The following QSOX1 variants were observed in gnomAD, a reference collection of about 807,000 sequenced individuals.
QSOX1 encodes the protein quiescin sulfhydryl oxidase 1.
A neutral mutation model predicts 76.1 loss-of-function variants in QSOX1; 40 were observed. The ratio of observed to expected loss-of-function variants is 0.53; its 90% CI spans 0.41 to 0.68. The LOEUF is 0.68. Among genes scored for constraint, QSOX1 ranks in the 30% least tolerant of loss-of-function variants. The pLI is 0.00. For synonymous variants in QSOX1, 392 were observed against 413.1 expected (o/e 0.95, Z 0.62); for missense variants, 931 against 974.3 (o/e 0.96, Z 0.59).
Position 180,198,187 on chromosome 1 carries a change from C to T in QSOX1, c.*1150C>T, listed in dbSNP as rs539670458. ...CAGACTGCCCATAGAACTGTCTGCA[C>T]CCAAACCCCATGGCCTTTTCATGCA... On this transcript the variant is annotated 3_prime_UTR_variant, in exon 12 of 12. Coordinates refer to ENST00000367602, the MANE Select transcript of QSOX1 (RefSeq NM_002826.5). 1.2e-4 allele frequency: 54 copies of T among 456,712 alleles called. No homozygotes were observed. Among genetic ancestry groups the T allele is most frequent in the South Asian group, 8.4e-4 (54 of 64,568 alleles). The allele number at this position is 456,712 out of a possible 1,614,324, so 28.3% of individuals were successfully genotyped here. A position where few individuals can be genotyped will look rare whatever the true frequency, so the allele number is the denominator to read the frequency against.
chr1:180,184,207 T>C (rs1663111721), intron 7 of QSOX1, among the ~76,000 whole-genome samples, 157 bp downstream of exon 7: 1 of 152,220 alleles, frequency 6.6e-6, no homozygotes, highest in African/African-American at 2.4e-5. Flanking sequence ...GGTCTGGCCA[T>C]GCTCAGGGAC....
rs759196856 is a variant in QSOX1, at chr1:180,190,550, C to T, written c.1258C>T (p.Arg420Trp). 2.5e-5 allele frequency: 41 copies of T among 1,614,114 alleles called. No homozygotes were observed. The highest frequency in any genetic ancestry group is 5.0e-5 in the Admixed American group (3 of 60,028). ...LFHFLTVQAARQNVDHSQEAA... is the reference protein window; with the variant it reads ...LFHFLTVQAAWQNVDHSQEAA... ...CCACTTCTTGACTGTGCAGGCAGCT[C>T]GGCAAAATGTAGACCACTCACAGGA... The change falls in exon 10 of 12, where the codon CGG becomes TGG. Residue 420 changes from arginine to tryptophan, a missense_variant. Physicochemically the swap from Arg to Trp is moderately radical, Grantham distance 101 (BLOSUM62 -3). Transcript: ENST00000367602.
intron 4 of QSOX1, among the ~76,000 whole-genome samples, chr1:180,177,250 CTTTT>C (rs34390948): frequency 2.7e-5 from 3 of 112,884 alleles, no homozygotes; most frequent in Non-Finnish European, 1.9e-5. Context: ...CAAAGTGATC[CTTTT>C]TTTTTTTTTT....
At chr1:180,158,772 C>G (rs1324647476) in intron 1 of QSOX1, among the ~76,000 whole-genome samples, 1 of 152,126 alleles carries the variant, frequency 6.6e-6, no homozygotes, top group African/African-American at 2.4e-5. Context: ...AAATCTGTGC[C>G]TCTGTCTTCA....
intron 9 of QSOX1, 72 bp from the exon 10 acceptor site, chr1:180,190,361 A>C: frequency 4.7e-6 from 7 of 1,497,120 alleles, no homozygotes; most frequent in Non-Finnish European, 6.5e-6. Context: ...GCTGTCTCCT[A>C]GAAGCTTCTG....
rs1663560459 is a variant in QSOX1 at position 180,198,436 on chromosome 1, G to A, written c.*1399G>A. 1 of 455,246 alleles carries A rather than the reference G, an allele frequency of 2.2e-6. No individual in the cohort carries two copies. The highest frequency in any genetic ancestry group is 2.4e-5 in the Admixed American group (1 of 42,538). 28.2% of individuals were successfully genotyped at this position (455,246 alleles called of 1,614,324 possible). A position where few individuals can be genotyped will look rare whatever the true frequency, so the allele number is the denominator to read the frequency against. ...GAGCCTGCCCCTAATCCGGCCTGCT[G>A]GGTTTTACAAGGATCAGAGCTGCTG... On this transcript the variant is annotated 3_prime_UTR_variant, in exon 12 of 12. Coordinates refer to ENST00000367602, the MANE Select transcript of QSOX1 (RefSeq NM_002826.5).
intron 8 of QSOX1, 38 bp from the exon 9 acceptor site, chr1:180,189,514 C>G (rs779315621): frequency 7.3e-7 from 1 of 1,362,808 alleles, no homozygotes. Flanking sequence ...TGGGGAATTG[C>G]TTTTCACTCT....
chr1:180,188,883 C>T (rs1330616666), intron 8 of QSOX1, among the ~76,000 whole-genome samples: 2 of 152,232 alleles, frequency 1.3e-5, no homozygotes, highest in African/African-American at 4.8e-5. Context: ...CACACACACA[C>T]ACATACACAC....
intron 4 of QSOX1, among the ~76,000 whole-genome samples, chr1:180,177,157 A>G (rs1662918172): frequency 6.6e-6 from 1 of 151,398 alleles, no homozygotes; most frequent in Non-Finnish European, 1.5e-5. Flanking sequence ...CCCTCCTTAC[A>G]CACACACGTA....
In QSOX1 at chr1:180,186,194, C is replaced by T; in HGVS notation, c.1017+12C>T. The T allele has an allele frequency of 6.2e-7, 1 of 1,607,762 alleles. No homozygotes were observed. Among genetic ancestry groups the T allele is most frequent in the South Asian group, 1.1e-5 (1 of 90,192 alleles). Reference sequence around the variant, plus strand: ...CAGTGCTGGCCAAGGTGAGCAGGGCCATGGCTTCCCTTGTCTGTGCAATTC... The same window carrying T: ...CAGTGCTGGCCAAGGTGAGCAGGGCTATGGCTTCCCTTGTCTGTGCAATTC... On this transcript the variant is annotated intron_variant, in intron 8 of 11. Transcript: ENST00000367602.
rs535073149 is a variant in QSOX1, at chr1:180,197,476, C to T, written c.*439C>T. 8.2e-6 allele frequency: 11 copies of T among 1,343,382 alleles called. No individual in the cohort carries two copies. The highest frequency in any genetic ancestry group is 4.3e-5 in the African/African-American group (3 of 69,558). 83.2% of individuals were successfully genotyped at this position (1,343,382 alleles called of 1,614,324 possible). Reference sequence around the variant, plus strand: ...AACTCCTCACTAGCTGCTGGGGCTCCGCCCACCCTGCTCCCTTCCGGACAA... The same window carrying T: ...AACTCCTCACTAGCTGCTGGGGCTCTGCCCACCCTGCTCCCTTCCGGACAA... On this transcript the variant is annotated 3_prime_UTR_variant, in exon 12 of 12. Transcript: ENST00000367602.
chr1:180,172,719 C>T (rs1415843409), intron 2 of QSOX1, among the ~76,000 whole-genome samples: 2 of 152,074 alleles, frequency 1.3e-5, no homozygotes, highest in South Asian at 4.1e-4. Context: ...GGGTTTTACC[C>T]TGTTGGCCAG....
At chr1:180,155,490 TC>T (rs542686031) in intron 1 of QSOX1, among the ~76,000 whole-genome samples, 49 of 152,294 alleles carry the variant, frequency 3.2e-4, no homozygotes, top group African/African-American at 1.2e-3. Flanking sequence ...TCTCCTTTGT[TC>T]CTTCCTCCGC....
At chr1:180,161,566 A>G (rs920766054) in intron 1 of QSOX1, among the ~76,000 whole-genome samples, 1 of 152,252 alleles carries the variant, frequency 6.6e-6, no homozygotes, top group Non-Finnish European at 1.5e-5. Flanking sequence ...ATTCACAAAT[A>G]GTTTCTGAAT....
At chr1:180,187,468 G>C (rs917180622) in intron 8 of QSOX1, among the ~76,000 whole-genome samples, 31 of 152,124 alleles carry the variant, frequency 2.0e-4, no homozygotes, top group African/African-American at 7.2e-4. Flanking sequence ...ATGCTTTCCC[G>C]GCATGCCTCA....
rs1312164954 is a variant in QSOX1, at chr1:180,196,110, T to C, written c.1469-152T>C. On this transcript the variant is annotated intron_variant, in intron 11 of 11. Transcript: ENST00000367602. The surrounding 1 kb of genome is among the most constrained non-coding windows in gnomAD (Gnocchi z 4.1). ...AGCTCCCACTGTGGGCTAGTGTTTGTAATCTGTATTTTCTAATTACCCATC... is the reference window on the plus strand; with the variant it reads ...AGCTCCCACTGTGGGCTAGTGTTTGCAATCTGTATTTTCTAATTACCCATC... 1.3e-4 allele frequency: 131 copies of C among 982,264 alleles called. No homozygotes were observed. Among genetic ancestry groups the C allele is most frequent in the Non-Finnish European group, 2.9e-6 (2 of 684,144 alleles). 60.8% of individuals were successfully genotyped at this position (982,264 alleles called of 1,614,324 possible). A position where few individuals can be genotyped will look rare whatever the true frequency, so the allele number is the denominator to read the frequency against.
intron 8 of QSOX1, among the ~76,000 whole-genome samples, chr1:180,186,443 G>A (rs1348221864): frequency 6.6e-6 from 1 of 152,220 alleles, no homozygotes; most frequent in African/African-American, 2.4e-5. Flanking sequence ...CCCCACCTGG[G>A]GATATTTCCA....
intron 1 of QSOX1, among the ~76,000 whole-genome samples, chr1:180,158,838 T>G (rs1260210577): frequency 6.6e-6 from 1 of 152,182 alleles, no homozygotes; most frequent in Non-Finnish European, 1.5e-5. Flanking sequence ...TTAAGAGTTG[T>G]TTGCCATCCA....
At chr1:180,195,709 G>A (rs767388046) in intron 11 of QSOX1, among the ~76,000 whole-genome samples, 1 of 152,176 alleles carries the variant, frequency 6.6e-6, no homozygotes, top group Non-Finnish European at 1.5e-5. Context: ...CTACCCCAGA[G>A]GGCTGCTGCT....
Sources: allele counts gnomAD v4.1 joint callset (sites outside exome capture counted in the v4.1 genomes callset), GRCh38; gene constraint gnomAD v4.1.1; non-coding constraint Gnocchi (gnomAD v3.1); transcripts MANE v1.5; gene names NCBI Gene and HGNC (gene_info 2026-07-23, HGNC 2026-07-21).